The following GPRC5D variants were observed in gnomAD, a reference collection of about 807,000 sequenced individuals.
GPRC5D encodes G protein-coupled receptor family C group 5 member D.
GPRC5D carries 20 observed loss-of-function variants against 29.3 expected under a neutral mutation model. The ratio of observed to expected loss-of-function variants is 0.68; its 90% CI spans 0.48 to 0.99. GPRC5D has a LOEUF of 0.99. GPRC5D is among the 50% of genes least tolerant of loss of function. The pLI is 0.00. For missense variants in GPRC5D, 384 were observed against 423.6 expected (o/e 0.91, Z 0.82); for synonymous variants, 178 against 171.3 (o/e 1.04, Z -0.30).
chr12:12,941,439 G>A (rs926599234), intron 2 of GPRC5D, among the ~76,000 whole-genome samples: 7 of 152,120 alleles, frequency 4.6e-5, no homozygotes, highest in African/African-American at 1.7e-4. Context: ...CCCTCCTGAG[G>A]GTTGATTAAA....
intron 1 of GPRC5D, among the ~76,000 whole-genome samples, chr12:12,944,873 CTTTCTT>C (rs2136495414): frequency 8.5e-6 from 1 of 118,194 alleles, no homozygotes; most frequent in African/African-American, 2.9e-5. Flanking sequence ...TTCTTTCTTT[CTTTCTT>C]TCTTTCTTTC....
At chr12:12,951,549 C>T (rs938705014), upstream of GPRC5D, among the ~76,000 whole-genome samples, 4 of 152,210 alleles carry the variant, frequency 2.6e-5, no homozygotes, top group African/African-American at 9.6e-5. Flanking sequence ...GCTGAACAGG[C>T]TTCACTTGAT....
exon 3 of GPRC5D, chr12:12,940,814 C>G (rs904697745): frequency 3.7e-6 from 6 of 1,608,708 alleles, no homozygotes; most frequent in Non-Finnish European, 5.1e-6. Flanking sequence ...TTAGTTTAGC[C>G]TGTGGGATGA....
At chr12:12,949,791 G>A (rs1381916155) in exon 1 of GPRC5D, 8 of 1,614,186 alleles carry the variant, frequency 5.0e-6, no homozygotes, top group Non-Finnish European at 5.9e-6. Context: ...GCTGCTTCCA[G>A]TTCTCACACG....
At position 12,950,230 on chromosome 12, in the gene GPRC5D, TG is replaced by T; in HGVS notation, c.154del (p.Gln52LysfsTer17). 6.2e-7 allele frequency: 1 copy of T among 1,614,012 alleles called. No homozygotes were observed. Among genetic ancestry groups the T allele is most frequent in the Non-Finnish European group, 8.5e-7 (1 of 1,179,932 alleles). ...GAGGACATTCCACTGGCTGCAGTCT[TG>T]GATCTTTCGCATGAGGAAGAGAAAT... On this transcript the variant is annotated frameshift_variant, in exon 1 of 3. Transcript: ENST00000228887. LOFTEE classifies it high-confidence loss of function.
chr12:12,941,860 C>T (rs1863156493), intron 2 of GPRC5D, among the ~76,000 whole-genome samples: 1 of 152,176 alleles, frequency 6.6e-6, no homozygotes, highest in Non-Finnish European at 1.5e-5. Context: ...GTCAGTGGGG[C>T]TCAGGTGATA....
intron 1 of GPRC5D, among the ~76,000 whole-genome samples, chr12:12,947,492 G>A (rs1467558854): frequency 6.6e-6 from 1 of 151,912 alleles, no homozygotes; most frequent in Non-Finnish European, 1.5e-5. Flanking sequence ...GCCCAATCTT[G>A]GAGGGCAATT....
chr12:12,942,418 C>A, intron 1 of GPRC5D, 90 bp from the exon 3 acceptor site: 4 of 803,240 alleles, frequency 5.0e-6, no homozygotes, highest in South Asian at 1.5e-5. Context: ...CCATGGCTTG[C>A]AAACAGGCTC....
chr12:12,944,782 TTCC>T (rs1460858293), intron 1 of GPRC5D, among the ~76,000 whole-genome samples: 5 of 34,184 alleles, frequency 1.5e-4, no homozygotes, highest in African/African-American at 2.1e-4. Flanking sequence ...TCTTCCTTCC[TTCC>T]TTCCTTCCTT....
exon 1 of GPRC5D, chr12:12,949,615 T>A: frequency 1.9e-6 from 3 of 1,614,164 alleles, no homozygotes; most frequent in Non-Finnish European, 2.5e-6. Flanking sequence ...AGGGACGATG[T>A]ACAGCAGCAG....
At position 12,946,293 on chromosome 12, in the gene GPRC5D, TTC is replaced by T. The variant is rs1565478304; in HGVS notation, c.895+3195_895+3196del. Among the ~76,000 whole-genome samples the T allele has an allele frequency of 2.0e-3, 97 of 47,888 alleles. 1 individual carries two copies. The highest frequency in any genetic ancestry group is 7.5e-3 in the African/African-American group (95 of 12,676). The allele number at this position is 47,888 out of a possible 152,430, so 31.4% of individuals were successfully genotyped here. A position where few individuals can be genotyped will look rare whatever the true frequency, so the allele number is the denominator to read the frequency against. On this transcript the variant is annotated intron_variant, in intron 1 of 2. Transcript: ENST00000228887. The stretch of plus-strand genomic sequence containing the variant: ...CTTCCTTCCTTCCTTCCTTCCTTTC[TTC>T]CTTCCTTCCTTCCTTTTCTTTCTTT...
intron 1 of GPRC5D, among the ~76,000 whole-genome samples, chr12:12,942,594 G>A (rs1592369506): frequency 6.6e-6 from 1 of 152,272 alleles, no homozygotes; most frequent in African/African-American, 2.4e-5. Context: ...AATTAGCTGG[G>A]CGTGGTGGCG....
intron 1 of GPRC5D, among the ~76,000 whole-genome samples, chr12:12,942,913 G>A (rs563797728): frequency 5.9e-5 from 9 of 152,132 alleles, no homozygotes; most frequent in South Asian, 2.1e-4. Flanking sequence ...CAGTATTACC[G>A]TGTGGCCTTG....
chr12:12,942,060 A>G (rs1863164500), intron 2 of GPRC5D, among the ~76,000 whole-genome samples: 2 of 152,090 alleles, frequency 1.3e-5, no homozygotes, highest in South Asian at 4.2e-4. Flanking sequence ...GAAGACTGGG[A>G]GGGTTTGGGT....
At chr12:12,948,594 A>G (rs1010574872) in intron 1 of GPRC5D, 1 of 154,256 alleles carries the variant, frequency 6.5e-6, no homozygotes, top group Admixed American at 6.5e-5. Context: ...ATTAAGACAC[A>G]AAAATTGATG....
rs531508401 is a variant in GPRC5D, at chr12:12,943,093, C to T, written c.896-765G>A. 7.2e-5 allele frequency among the ~76,000 whole-genome samples: 11 copies of T among 152,324 alleles called. No individual in the cohort carries two copies. The East Asian group carries it at 1.5e-3, about 21-fold the overall frequency. On this transcript the variant is annotated intron_variant, in intron 1 of 2. Coordinates refer to ENST00000228887, the Ensembl canonical transcript of GPRC5D. ...ATTATAGGTCTGAGCCACCATGTCT[C>T]ACCTGAATTCAATTTTTAAAATTGG... is the stretch of plus-strand genomic sequence containing the variant.
intron 2 of GPRC5D, 50 bp downstream of exon 3, chr12:12,942,211 A>G: frequency 1.7e-6 from 2 of 1,149,862 alleles, no homozygotes; most frequent in East Asian, 2.3e-5. Context: ...GTCCTAAGGA[A>G]GGAATGCTTG....
At chr12:12,944,903 T>TTCTTTCTTTCTTTCTTTCTC (rs1565477611) in intron 1 of GPRC5D, among the ~76,000 whole-genome samples, 10 of 79,274 alleles carry the variant, frequency 1.3e-4, no homozygotes, top group East Asian at 3.7e-4. Context: ...CTTTCTTTCT[T>TTCTTTCTTTCTTTCTTTCTC]TCTCTCCCTT....
Position 12,942,330 on chromosome 12 carries a change from T to C in GPRC5D, c.896-2A>G. 1 of 1,609,472 alleles carries C rather than the reference T, an allele frequency of 6.2e-7. No homozygotes were observed. The highest frequency in any genetic ancestry group is 1.1e-5 in the South Asian group (1 of 90,982). ...CCTCAGCTCCATCACTGTCTCGGGCTGAAAGCCAAAGGAGGGAAGGGCTGG... is the reference window on the plus strand; with the variant it reads ...CCTCAGCTCCATCACTGTCTCGGGCCGAAAGCCAAAGGAGGGAAGGGCTGG... On this transcript the variant is annotated splice_acceptor_variant, in intron 1 of 2. Coordinates refer to ENST00000228887, the Ensembl canonical transcript of GPRC5D. LOFTEE classifies it high-confidence loss of function.
Sources: gnomAD v4.1 joint callset for allele counts (sites outside exome capture counted in the v4.1 genomes callset) on GRCh38, gnomAD v4.1.1 for gene constraint, MANE v1.5 for transcripts, NCBI Gene and HGNC (gene_info 2026-07-23, HGNC 2026-07-21) for gene names.